The following ENO4 variants were observed in gnomAD, a reference collection of about 807,000 sequenced individuals.
ENO4 encodes enolase 4.
Under a neutral mutation model 63.2 loss-of-function variants are expected in ENO4, and 53 were observed. The ratio of observed to expected loss-of-function variants is 0.84; its 90% CI spans 0.67 to 1.05. The LOEUF (loss-of-function observed/expected upper bound fraction) is 1.05. Among genes scored for constraint, ENO4 ranks in the 50% least tolerant of loss-of-function variants. The probability of loss-of-function intolerance (pLI) is 0.00; values close to 1 mark genes in which losing one functional copy is unlikely to be tolerated. For missense variants in ENO4, 719 were observed against 772.0 expected, an observed-to-expected ratio of 0.93 and a Z score of 0.81; for synonymous variants, 266 against 283.8, an observed-to-expected ratio of 0.94 and a Z score of 0.63.
chr10:116,859,171 G>A (rs1416731529), intron 4 of ENO4, 33 bp downstream of exon 4: 32 of 1,486,400 alleles, frequency 2.2e-5, no homozygotes, highest in Non-Finnish European at 2.9e-5. Context: ...AGAGTCGTTA[G>A]TAACAAATGT....
chr10:116,856,705 T>G, intron 3 of ENO4, 23 bp downstream of exon 3: 1 of 1,496,640 alleles, frequency 6.7e-7, no homozygotes, highest in Non-Finnish European at 8.9e-7. Flanking sequence ...CTTTGAAATA[T>G]AAACATCAAG....
In ENO4 at chr10:116,874,173, T is replaced by A; in HGVS notation, c.1313T>A (p.Ile438Asn). 1 of 1,546,958 alleles carries A rather than the reference T, an allele frequency of 6.5e-7. No individual in the cohort carries two copies. Among genetic ancestry groups the A allele is most frequent in the Non-Finnish European group, 8.7e-7 (1 of 1,144,178 alleles). Residue 438 changes from isoleucine to asparagine, a missense_variant, in exon 10 of 14, where the codon ATT (isoleucine) becomes AAT (asparagine). Coordinates refer to ENST00000341276, the MANE Select transcript of ENO4 (RefSeq NM_001242699.2). Reference protein sequence around the residue: ...VDLINKYPSIIALIDPFRKED... With the variant: ...VDLINKYPSINALIDPFRKED... ...CTGATCAACAAGTACCCTTCAATTA[T>A]TGCCTTAATTGATCCTTTCAGGAAG...
chr10:116,880,078 G>A (rs1415210171), intron 13 of ENO4, 92 bp downstream of exon 13: 6 of 973,306 alleles, frequency 6.2e-6, no homozygotes, highest in Non-Finnish European at 7.7e-6. Flanking sequence ...CTGCAGGAGG[G>A]CAGGGGAATC....
chr10:116,906,657 T>C, intron 10 of ENO4: 2 of 1,613,540 alleles, frequency 1.2e-6, no homozygotes, highest in Non-Finnish European at 8.5e-7. Flanking sequence ...GTCACCTTTC[T>C]GCGACGCAAA....
chr10:116,861,555 C>T (rs900694870), intron 6 of ENO4, among the ~76,000 whole-genome samples: 2 of 152,208 alleles, frequency 1.3e-5, no homozygotes, highest in African/African-American at 4.8e-5. Flanking sequence ...TAGCAGCCCA[C>T]TCTGTTAAGT....
chr10:116,879,359 G>GT lies in ENO4; in HGVS notation c.1605+2dup, dbSNP rs1846932306. The GT allele has an allele frequency of 1.3e-6, 2 of 1,548,578 alleles. No individual in the cohort carries two copies. Among genetic ancestry groups the GT allele is most frequent in the Non-Finnish European group, 8.7e-7 (1 of 1,145,410 alleles). ...ATCTGATGACAGCCTTGTCGATTTG[G>GT]TAAGTGCTGAATGCTGGTCAACTGC... On this transcript the variant is annotated splice_donor_variant, in intron 12 of 13. Coordinates refer to ENST00000341276, the MANE Select transcript of ENO4 (RefSeq NM_001242699.2). LOFTEE classifies it high-confidence loss of function.
intron 6 of ENO4, among the ~76,000 whole-genome samples, chr10:116,862,466 A>AT (rs1474850778): frequency 6.6e-6 from 1 of 152,104 alleles, no homozygotes; most frequent in African/African-American, 2.4e-5. Context: ...ATCTCAAAAA[A>AT]AAAAATAAAA....
chr10:116,877,383 G>A (rs537059133), intron 11 of ENO4, among the ~76,000 whole-genome samples: 1 of 152,142 alleles, frequency 6.6e-6, no homozygotes, highest in South Asian at 2.1e-4. Flanking sequence ...AATATATCCC[G>A]ACATCAGTCA....
chr10:116,874,101 T>C lies in ENO4; in HGVS notation c.1241T>C (p.Met414Thr), dbSNP rs1263897087. ...DYNKGKYEVI[M>T]GTYKNAAEMV... Reference sequence around the variant, plus strand: ...AATAAAGGAAAGTATGAAGTGATCATGGGCACATACAAAAATGCAGCGGAG... The same window carrying C: ...AATAAAGGAAAGTATGAAGTGATCACGGGCACATACAAAAATGCAGCGGAG... The change falls in exon 10 of 14, where the codon ATG (methionine) becomes ACG (threonine). Residue 414 changes from methionine to threonine, a missense_variant. By Grantham distance (81) the Met-to-Thr change is moderately conservative. Transcript: ENST00000341276. 3 of 1,549,530 alleles carry C rather than the reference T, an allele frequency of 1.9e-6. No homozygotes were observed. Among genetic ancestry groups the C allele is most frequent in the South Asian group, 2.4e-5 (2 of 83,936 alleles).
intron 10 of ENO4, among the ~76,000 whole-genome samples, chr10:116,893,576 G>GCCCACACACACACACACACACACACA (rs1554905664): frequency 4.9e-5 from 6 of 123,594 alleles, no homozygotes; most frequent in Non-Finnish European, 8.2e-5. Context: ...GCACTCATGT[G>GCCCACACACACACACACACACACACA]CACACACACA....
At chr10:116,898,939 ACAT>A (rs1847620926) in intron 10 of ENO4, among the ~76,000 whole-genome samples, 1 of 152,328 alleles carries the variant, frequency 6.6e-6, no homozygotes, top group East Asian at 1.9e-4. Flanking sequence ...TGGAATCTAT[ACAT>A]ATGTTGATTT....
At chr10:116,902,617 T>C (rs1210381680) in intron 10 of ENO4, among the ~76,000 whole-genome samples, 1 of 152,206 alleles carries the variant, frequency 6.6e-6, no homozygotes, top group Non-Finnish European at 1.5e-5. Context: ...ATCTAAAAAT[T>C]CTGGGCATTG....
intron 11 of ENO4, among the ~76,000 whole-genome samples, chr10:116,876,907 C>T (rs577229316): frequency 1.1e-4 from 16 of 152,114 alleles, no homozygotes; most frequent in South Asian, 4.2e-4. Flanking sequence ...GCCGAGATCG[C>T]GCCACTGCAC....
At chr10:116,853,838 G>A (rs1846166568) in intron 1 of ENO4, among the ~76,000 whole-genome samples, 1 of 152,174 alleles carries the variant, frequency 6.6e-6, no homozygotes, top group Non-Finnish European at 1.5e-5. Context: ...GTCGCTGTGG[G>A]TATTAGATGA....
downstream of ENO4, chr10:116,883,377 G>C (rs1026169154): frequency 1.3e-5 from 2 of 152,172 alleles, no homozygotes; most frequent in African/African-American, 4.8e-5. Flanking sequence ...CTGTGGGATA[G>C]GGACATGTTA....
At chr10:116,901,118 T>C (rs929340433) in intron 10 of ENO4, 1 of 985,376 alleles carries the variant, frequency 1.0e-6, no homozygotes, top group African/African-American at 1.7e-5. Flanking sequence ...CTAGCTGACA[T>C]CCTGGCAAGA....
chr10:116,889,838 T>C (rs576115763), intron 10 of ENO4, among the ~76,000 whole-genome samples: 13 of 152,324 alleles, frequency 8.5e-5, no homozygotes, highest in South Asian at 2.1e-4. Flanking sequence ...AGCTATCCCT[T>C]AGTTTTAATT....
chr10:116,879,976 T>C lies in ENO4; in HGVS notation c.1713T>C (p.Asn571=), dbSNP rs1364606208. ...CTATAGAGGAAGAACTTGTCCAGAA[T>C]GGAACACTGGGTATGCGCTGCTTTC... ...LLTIEEELVQ[N]GTLGFKEEHT... is the part of the protein sequence containing the mutation. Residue 571 remains asparagine, a synonymous_variant, in exon 13 of 14, where the codon AAT becomes AAC. Transcript: ENST00000341276. 8.4e-6 allele frequency: 13 copies of C among 1,547,576 alleles called. No homozygotes were observed. The highest frequency in any genetic ancestry group is 1.1e-5 in the Non-Finnish European group (13 of 1,144,274).
chr10:116,861,253 A>ATG (rs1846406783), intron 6 of ENO4, 63 bp downstream of exon 6: 1 of 413,836 alleles, frequency 2.4e-6, no homozygotes, highest in African/African-American at 2.1e-5. Context: ...ATATATATAT[A>ATG]TATACTCCGT....
Sources: gnomAD v4.1 joint callset for allele counts (sites outside exome capture counted in the v4.1 genomes callset) on GRCh38, gnomAD v4.1.1 for gene constraint, MANE v1.5 for transcripts, NCBI Gene and HGNC (gene_info 2026-07-23, HGNC 2026-07-21) for gene names.